Variants in DMXL1 observed in about 807,000 individuals in gnomAD.
DMXL1 encodes dmX-like protein 1.
Under a neutral mutation model 319.2 loss-of-function variants are expected in DMXL1, and 99 were observed. The observed-to-expected ratio is 0.31, with a 90% confidence interval of 0.26 to 0.37. The LOEUF is 0.37. Ranked by LOEUF, DMXL1 falls within the 10% of genes least tolerant of loss-of-function variation. The pLI, the probability that DMXL1 is intolerant of heterozygous loss-of-function variation, is 1.00. For synonymous variants in DMXL1, 1,385 were observed against 1,235.2 expected (o/e 1.12, Z -2.54); for missense variants, 3,745 against 3,595.6 (o/e 1.04, Z -1.06).
At chr5:119,122,830 A>T (rs1762504481) in intron 9 of DMXL1, among the ~76,000 whole-genome samples, 1 of 149,794 alleles carries the variant, frequency 6.7e-6, no homozygotes, top group Non-Finnish European at 1.5e-5. Flanking sequence ...CTGGGCAGCC[A>T]GGCAGAGGGG....
Position 119,077,479 on chromosome 5 carries a change from GT to G in DMXL1, c.87+5849del, listed in dbSNP as rs774672621. 8.4e-3 allele frequency among the ~76,000 whole-genome samples: 590 copies of G among 70,192 alleles called. 3 individuals carry two copies. The highest frequency in any genetic ancestry group is 0.022 in the African/African-American group (407 of 18,226). 46.0% of individuals were successfully genotyped at this position (70,192 alleles called of 152,430 possible). A position where few individuals can be genotyped will look rare whatever the true frequency, so the allele number is the denominator to read the frequency against. Reference sequence around the variant, plus strand: ...GTATTGTATTACATCTTCATCTTAGGTTTTTTTTTTTTTTTTTTTTTTTTTT... The same window carrying G: ...GTATTGTATTACATCTTCATCTTAGGTTTTTTTTTTTTTTTTTTTTTTTTT... On this transcript the variant is annotated intron_variant, in intron 1 of 43. Coordinates refer to ENST00000539542, the MANE Select transcript of DMXL1 (RefSeq NM_001290321.3).
rs1240348151 is a variant in DMXL1, at chr5:119,247,784, C to T, written c.*565C>T. The T allele has an allele frequency of 6.6e-6, 1 of 152,172 alleles. No individual in the cohort carries two copies. Among genetic ancestry groups the T allele is most frequent in the African/African-American group, 2.4e-5 (1 of 41,302 alleles). The allele number at this position is 152,172 out of a possible 1,614,324, so 9.4% of individuals were successfully genotyped here. ...GTTTTCAGTAGTTTACCCTCCGGAA[C>T]CCAAGTTGTATGTATGTATACGTGT... On this transcript the variant is annotated 3_prime_UTR_variant, in exon 44 of 44. Transcript: ENST00000539542.
intron 4 of DMXL1, among the ~76,000 whole-genome samples, chr5:119,106,885 C>T (rs373385425): frequency 6.6e-6 from 1 of 152,112 alleles, no homozygotes; most frequent in Non-Finnish European, 1.5e-5. Context: ...TACTTAACAA[C>T]TGGATTTGAA....
intron 26 of DMXL1, among the ~76,000 whole-genome samples, chr5:119,176,311 T>G (rs930440682): frequency 1.3e-5 from 2 of 152,046 alleles, no homozygotes; most frequent in African/African-American, 4.8e-5. Flanking sequence ...TTACATGGTG[T>G]CAGCCTTCCT....
rs1769383244 is a variant in DMXL1 at position 119,149,896 on chromosome 5, G to A, written c.4069G>A (p.Val1357Ile). 6.2e-7 allele frequency: 1 copy of A among 1,613,798 alleles called. No homozygotes were observed. Among genetic ancestry groups the A allele is most frequent in the Admixed American group, 1.7e-5 (1 of 59,914 alleles). ...SHLVKCIAGE[V>I]VALNEAESNH... ...TCTTGTTAAGTGCATTGCTGGGGAA[G>A]TTGTGGCTCTGAATGAAGCTGAATC... is the stretch of plus-strand genomic sequence containing the variant. The change falls in exon 18 of 44, where the codon GTT becomes ATT. Residue 1357 changes from valine to isoleucine, a missense_variant. By Grantham distance (29) the Val-to-Ile change is conservative. Around this residue, in one of 4 missense-constraint regions of DMXL1, gnomAD observed 2,096 missense variants for 1,985.4 expected, o/e 1.06. Coordinates refer to ENST00000539542, the MANE Select transcript of DMXL1 (RefSeq NM_001290321.3).
Position 119,130,362 on chromosome 5 carries a change from T to C in DMXL1, c.1315+939T>C, listed in dbSNP as rs1447748356. On this transcript the variant is annotated intron_variant, in intron 10 of 43. Transcript: ENST00000539542. ...TTTTTTTTGTTTGTTTGTTTTTTTT[T>C]GATGGGGTCTTGCTCTGTCACCCAG... is the stretch of plus-strand genomic sequence containing the variant. 3.9e-5 allele frequency among the ~76,000 whole-genome samples: 6 copies of C among 152,000 alleles called. No homozygotes were observed. The East Asian group carries it at 1.2e-3, about 29-fold the overall frequency.
At chr5:119,229,632 A>G (rs903815498) in intron 38 of DMXL1, among the ~76,000 whole-genome samples, 8 of 152,178 alleles carry the variant, frequency 5.3e-5, no homozygotes, top group Non-Finnish European at 8.8e-5. Flanking sequence ...AACATCCTTC[A>G]TACCTCATAG....
chr5:119,203,247 AC>A, intron 32 of DMXL1, 71 bp from the exon 33 acceptor site: 1 of 953,734 alleles, frequency 1.0e-6, no homozygotes, highest in Non-Finnish European at 1.6e-6. Context: ...TTTATATGGC[AC>A]CAAGGAATTG....
intron 31 of DMXL1, 56 bp downstream of exon 31, chr5:119,196,512 G>GTTT: frequency 5.8e-5 from 38 of 656,376 alleles, no homozygotes; most frequent in Non-Finnish European, 7.8e-5. Context: ...TTACTACTCT[G>GTTT]TTGTTTTTTT....
At chr5:119,072,388 T>C (rs1021848071) in intron 1 of DMXL1, among the ~76,000 whole-genome samples, 1 of 152,142 alleles carries the variant, frequency 6.6e-6, no homozygotes, top group Admixed American at 6.5e-5. Flanking sequence ...TTTCAAAATA[T>C]AAGTCAGTAA....
chr5:119,092,133 T>C (rs1056305129), intron 1 of DMXL1, among the ~76,000 whole-genome samples: 2 of 152,172 alleles, frequency 1.3e-5, no homozygotes, highest in Non-Finnish European at 2.9e-5. Flanking sequence ...TGGAAGTCTC[T>C]TTGTCTTTTT....
chr5:119,134,470 A>G lies in DMXL1; in HGVS notation c.2376+81A>G, dbSNP rs1017759031. On this transcript the variant is annotated intron_variant, in intron 13 of 43. Coordinates refer to ENST00000539542, the MANE Select transcript of DMXL1 (RefSeq NM_001290321.3). ...TTATATTTATTGGGCATGTTCTACA[A>G]TTGTGACCTATAATTTGTAATAAGC... is the stretch of plus-strand genomic sequence containing the variant. 1.0e-5 allele frequency: 12 copies of G among 1,172,936 alleles called. No homozygotes were observed. The Admixed American group carries it at 1.7e-4, about 16-fold the overall frequency. The allele number at this position is 1,172,936 out of a possible 1,614,324, so 72.7% of individuals were successfully genotyped here.
intron 32 of DMXL1, among the ~76,000 whole-genome samples, chr5:119,198,529 G>A (rs1017037690): frequency 3.3e-5 from 5 of 152,178 alleles, no homozygotes; most frequent in African/African-American, 7.2e-5. Context: ...TCACAAAAGT[G>A]TTAAGAGGAA....
At chr5:119,090,537 CT>C (rs1754526992) in intron 1 of DMXL1, among the ~76,000 whole-genome samples, 1 of 140,694 alleles carries the variant, frequency 7.1e-6, no homozygotes, top group East Asian at 2.0e-4. Flanking sequence ...CATTACTTTT[CT>C]TTTTTGTTTT....
chr5:119,123,038 C>A (rs973430301), intron 9 of DMXL1, among the ~76,000 whole-genome samples: 2 of 152,154 alleles, frequency 1.3e-5, no homozygotes, highest in African/African-American at 4.8e-5. Context: ...GAACAAGACT[C>A]CATCTGCAGT....
At chr5:119,234,815 A>T (rs1218865269) in intron 39 of DMXL1, among the ~76,000 whole-genome samples, 1 of 152,186 alleles carries the variant, frequency 6.6e-6, no homozygotes, top group Non-Finnish European at 1.5e-5. Flanking sequence ...CTACATGATT[A>T]CAATATAGGT....
In DMXL1 at chr5:119,146,914, C is replaced by T. The variant is rs146517356; in HGVS notation, c.2647C>T (p.His883Tyr). The T allele has an allele frequency of 1.2e-6, 2 of 1,612,198 alleles. No homozygotes were observed. The highest frequency in any genetic ancestry group is 1.7e-6 in the Non-Finnish European group (2 of 1,178,996). The change falls in exon 16 of 44, where the codon CAC (histidine) becomes TAC (tyrosine). Residue 883 changes from histidine (H) to tyrosine (Y), a missense_variant. Physicochemically the swap from His to Tyr is moderately conservative, Grantham distance 83. Around this residue, in one of 4 missense-constraint regions of DMXL1, gnomAD observed 2,096 missense variants for 1,985.4 expected, o/e 1.06. Coordinates refer to ENST00000539542, the MANE Select transcript of DMXL1 (RefSeq NM_001290321.3). The stretch of plus-strand genomic sequence containing the variant: ...CACTCAAGACAACCGTTCACTGTTA[C>T]ACATGTGGAATTTACATCTAAAGTC... ...ECTQDNRSLLHMWNLHLKSIP... is the reference protein window; with the variant it reads ...ECTQDNRSLLYMWNLHLKSIP...
intron 42 of DMXL1, 130 bp downstream of exon 42, chr5:119,240,601 G>A: frequency 3.0e-6 from 2 of 670,740 alleles, no homozygotes. Context: ...GCCCAGGATG[G>A]CAGGATTTGA....
intron 34 of DMXL1, among the ~76,000 whole-genome samples, chr5:119,215,719 A>G (rs1783562914): frequency 6.6e-6 from 1 of 152,178 alleles, no homozygotes; most frequent in Non-Finnish European, 1.5e-5. Flanking sequence ...AAAATTTTGC[A>G]GTAAGTAAAT....
Sources: gnomAD v4.1 joint callset for allele counts (sites outside exome capture counted in the v4.1 genomes callset) on GRCh38, gnomAD v4.1.1 for gene constraint, gnomAD v4.1.1 regional missense constraint, MANE v1.5 for transcripts, NCBI Gene and HGNC (gene_info 2026-07-23, HGNC 2026-07-21) for gene names.